NTRK2: variants seen among roughly 807,000 people sequenced by gnomAD.
The protein encoded by NTRK2 is neurotrophic receptor tyrosine kinase 2.
A neutral mutation model predicts 94.5 loss-of-function variants in NTRK2; 13 were observed. The ratio of observed to expected loss-of-function variants is 0.14; its 90% CI spans 0.09 to 0.22. NTRK2 has a LOEUF of 0.22. Among genes scored for constraint, NTRK2 ranks in the 10% least tolerant of loss-of-function variants. NTRK2 has a pLI of 1.00. For synonymous variants in NTRK2, 372 were observed against 407.4 expected, an observed-to-expected ratio of 0.91 and a Z score of 1.05; for missense variants, 639 against 1,071.2, an observed-to-expected ratio of 0.60 and a Z score of 5.63.
rs557822853 is a variant in NTRK2 at position 84,695,699 on chromosome 9, A to G, written c.213-6460A>G. ...GATCACTCTTCAAAGCTTGAGCTCA[A>G]TGCCCTTTCTCCTTTTAAGCCTTCA... On this transcript the variant is annotated intron_variant, in intron 2 of 18. Coordinates refer to ENST00000277120, the MANE Select transcript of NTRK2 (RefSeq NM_006180.6). Among the ~76,000 whole-genome samples, 123 of 152,336 alleles carry G rather than the reference A, an allele frequency of 8.1e-4. 1 individual carries two copies. In the South Asian group the frequency reaches 0.01, roughly 13 times the overall value.
chr9:84,865,399 C>T (rs2075543079), intron 13 of NTRK2, among the ~76,000 whole-genome samples: 1 of 152,118 alleles, frequency 6.6e-6, no homozygotes, highest in Non-Finnish European at 1.5e-5. Flanking sequence ...GTTTAAGACA[C>T]TGCTTAGCTG....
chr9:84,765,903 T>C lies in NTRK2; in HGVS notation c.1396+13818T>C, dbSNP rs7024638. On this transcript the variant is annotated intron_variant, in intron 12 of 18. Coordinates refer to ENST00000277120, the MANE Select transcript of NTRK2 (RefSeq NM_006180.6). ...ATTGTTTAGGATGAGACTAAATTAA[T>C]ATAATAGAAAAAATTAAAAAATATG... Among the ~76,000 whole-genome samples, 847 of 152,232 alleles carry C rather than the reference T, an allele frequency of 5.6e-3. 15 individuals are homozygous for C. Among genetic ancestry groups the C allele is most frequent in the African/African-American group, 0.02 (818 of 41,556 alleles).
intron 2 of NTRK2, among the ~76,000 whole-genome samples, chr9:84,699,969 C>G (rs73482756): frequency 1.3e-3 from 196 of 152,242 alleles, no homozygotes; most frequent in African/African-American, 4.6e-3. Context: ...TTGTGCAGAT[C>G]ATAATAAAGT....
At chr9:84,894,032 C>T (rs542968880) in intron 14 of NTRK2, among the ~76,000 whole-genome samples, 1 of 152,108 alleles carries the variant, frequency 6.6e-6, no homozygotes, top group Non-Finnish European at 1.5e-5. Flanking sequence ...CCGGGGGGCG[C>T]GGACTGAGTA....
intron 5 of NTRK2, among the ~76,000 whole-genome samples, chr9:84,708,691 C>G (rs1439049): frequency 0.59 from 90,423 of 152,052 alleles, 27,134 homozygotes; most frequent in East Asian, 0.71. Flanking sequence ...TAAACTCTAT[C>G]TTGCCTGAAT....
chr9:84,674,885 C>T (rs1295813987), intron 2 of NTRK2, among the ~76,000 whole-genome samples: 1 of 152,180 alleles, frequency 6.6e-6, no homozygotes, highest in Non-Finnish European at 1.5e-5. Context: ...CTTCCACCTC[C>T]CCTTCCATCA....
intron 12 of NTRK2, among the ~76,000 whole-genome samples, chr9:84,859,395 A>G (rs1044794466): frequency 1.3e-5 from 2 of 152,336 alleles, no homozygotes; most frequent in South Asian, 4.1e-4. Context: ...TAGCAATTTG[A>G]TAACCTGTAT....
chr9:84,905,659 G>T (rs1218659029), intron 14 of NTRK2, among the ~76,000 whole-genome samples: 1 of 152,092 alleles, frequency 6.6e-6, no homozygotes, highest in Non-Finnish European at 1.5e-5. Context: ...TCTTAATTTG[G>T]ATTACAATCA....
At chr9:84,691,574 G>A (rs1388609939) in intron 2 of NTRK2, among the ~76,000 whole-genome samples, 1 of 152,152 alleles carries the variant, frequency 6.6e-6, no homozygotes, top group African/African-American at 2.4e-5. Context: ...GGTGGGGGCT[G>A]ACATCCTTTT....
At chr9:84,749,651 C>T (rs1006629305) in intron 11 of NTRK2, among the ~76,000 whole-genome samples, 3 of 152,162 alleles carry the variant, frequency 2.0e-5, no homozygotes, top group Non-Finnish European at 2.9e-5. Flanking sequence ...AGATACTGTT[C>T]CAAACCCATT....
intron 12 of NTRK2, among the ~76,000 whole-genome samples, chr9:84,757,027 T>C (rs2065144467): frequency 6.6e-6 from 1 of 152,160 alleles, no homozygotes; most frequent in Non-Finnish European, 1.5e-5. Flanking sequence ...TCTGGGAAAT[T>C]TAAGAGGTTG....
chr9:84,878,667 C>T (rs756661525), intron 14 of NTRK2, among the ~76,000 whole-genome samples: 5 of 151,326 alleles, frequency 3.3e-5, no homozygotes, highest in African/African-American at 7.3e-5. Flanking sequence ...ATTTTTTAAG[C>T]GCAAATATTT....
At chr9:84,739,052 ATTAT>A in intron 9 of NTRK2, among the ~76,000 whole-genome samples, 1 of 152,158 alleles carries the variant, frequency 6.6e-6, no homozygotes, top group East Asian at 1.9e-4. Flanking sequence ...ATTAAATTAA[ATTAT>A]TTATTTATTT....
rs2132060165 is a variant in NTRK2, at chr9:84,867,388, C to T, written c.1590C>T (p.Pro530=). ...CCAAGATCCCTGTCATTGAAAATCC[C>T]CAGTACTTTGGCATCACCAACAGTC... ...GMTKIPVIEN[P]QYFGITNSQL... The change falls in exon 14 of 19, where the codon CCC becomes CCT. Residue 530 remains proline, a synonymous_variant. Transcript: ENST00000277120. The T allele has an allele frequency of 6.2e-7, 1 of 1,613,970 alleles. No homozygotes were observed. Among genetic ancestry groups the T allele is most frequent in the South Asian group, 1.1e-5 (1 of 91,070 alleles).
intron 17 of NTRK2, among the ~76,000 whole-genome samples, chr9:85,000,002 G>A (rs1830160957): frequency 6.6e-6 from 1 of 152,156 alleles, no homozygotes. Flanking sequence ...TAAATGGCAC[G>A]AATGGAAGCT....
At chr9:84,754,519 G>A (rs2064910210) in intron 12 of NTRK2, among the ~76,000 whole-genome samples, 1 of 152,134 alleles carries the variant, frequency 6.6e-6, no homozygotes, top group South Asian at 2.1e-4. Flanking sequence ...GTGAGTCAGT[G>A]TATTTTAAAT....
chr9:84,713,456 T>C (rs2061532420), intron 6 of NTRK2, among the ~76,000 whole-genome samples: 1 of 152,200 alleles, frequency 6.6e-6, no homozygotes, highest in Admixed American at 6.5e-5. Context: ...TCATCTGGGA[T>C]TTTATTTTTG....
At chr9:84,889,865 C>T (rs2076544835) in intron 14 of NTRK2, among the ~76,000 whole-genome samples, 1 of 152,174 alleles carries the variant, frequency 6.6e-6, no homozygotes, top group Admixed American at 6.5e-5. Context: ...TTGCCTCATA[C>T]TTGAGTTTTA....
At position 84,670,539 on chromosome 9, in the gene NTRK2, A is replaced by T; in HGVS notation, c.-210A>T. The T allele has an allele frequency of 1.7e-6, 1 of 598,130 alleles. No homozygotes were observed. The highest frequency in any genetic ancestry group is 3.0e-6 in the Non-Finnish European group (1 of 336,476). 37.1% of individuals were successfully genotyped at this position (598,130 alleles called of 1,614,324 possible). A position where few individuals can be genotyped will look rare whatever the true frequency, so the allele number is the denominator to read the frequency against. On this transcript the variant is annotated 5_prime_UTR_variant, in exon 2 of 19. The change abolishes an upstream ATG in the 5' untranslated region. Transcript: ENST00000277120. Reference sequence around the variant, plus strand: ...GCGCCCCCCTGTAAAGCGGTTCGCTATGCCGGGGCCACTGTGAACCCTGCC... The same window carrying T: ...GCGCCCCCCTGTAAAGCGGTTCGCTTTGCCGGGGCCACTGTGAACCCTGCC...
Sources: allele counts gnomAD v4.1 joint callset (sites outside exome capture counted in the v4.1 genomes callset), GRCh38; gene constraint gnomAD v4.1.1; transcripts MANE v1.5; gene names NCBI Gene and HGNC (gene_info 2026-07-23, HGNC 2026-07-21).